XKR6: variants seen among roughly 807,000 people sequenced by gnomAD.
XKR6 encodes the protein XK-related protein 6.
XKR6 carries 22 observed loss-of-function variants against 56.7 expected under a neutral mutation model. The ratio of observed to expected loss-of-function variants is 0.39; its 90% CI spans 0.28 to 0.55. The LOEUF is 0.55. Ranked by LOEUF, XKR6 falls within the 20% of genes least tolerant of loss-of-function variation. The pLI is 0.66. For synonymous variants in XKR6, 524 were observed against 387.8 expected (o/e 1.35, Z -4.13); for missense variants, 852 against 889.0 (o/e 0.96, Z 0.53).
intron 1 of XKR6, chr8:11,035,323 G>C (rs1193004033): frequency 5.6e-6 from 3 of 534,682 alleles, no homozygotes; most frequent in East Asian, 5.4e-5. Context: ...CGTTGTGGCA[G>C]CTTGGGCCCC....
chr8:10,958,607 A>G (rs11783935), intron 1 of XKR6, among the ~76,000 whole-genome samples: 27,797 of 152,176 alleles, frequency 0.18, 3,392 homozygotes, highest in African/African-American at 0.35. Flanking sequence ...GGGTGTGATC[A>G]CCATGGGAGC....
At chr8:10,906,981 G>A (rs922920552) in intron 2 of XKR6, among the ~76,000 whole-genome samples, 1 of 152,126 alleles carries the variant, frequency 6.6e-6, no homozygotes, top group African/African-American at 2.4e-5. Flanking sequence ...CTGGGAGGTG[G>A]AGGTTGCAGT....
intron 1 of XKR6, among the ~76,000 whole-genome samples, chr8:10,936,254 T>C (rs1378944915): frequency 2.0e-5 from 3 of 150,918 alleles, no homozygotes; most frequent in East Asian, 3.9e-4. Flanking sequence ...ATTTGCTTGG[T>C]AGATCTTTCT....
intron 1 of XKR6, among the ~76,000 whole-genome samples, chr8:10,974,365 C>A (rs1251202724): frequency 1.3e-5 from 2 of 152,178 alleles, no homozygotes; most frequent in Non-Finnish European, 2.9e-5. Context: ...CCATTGCCAG[C>A]TAATTCTCTC....
At chr8:11,068,259 T>C (rs1389173311) in intron 1 of XKR6, among the ~76,000 whole-genome samples, 1 of 152,010 alleles carries the variant, frequency 6.6e-6, no homozygotes, top group African/African-American at 2.4e-5. Context: ...GGTGACCACC[T>C]CCTCTAGAGG....
intron 1 of XKR6, among the ~76,000 whole-genome samples, chr8:11,103,585 G>T (rs560346244): frequency 2.0e-5 from 3 of 152,092 alleles, no homozygotes; most frequent in Non-Finnish European, 2.9e-5. Flanking sequence ...GGTCAAAATG[G>T]GGCTGTAAAG....
intron 1 of XKR6, among the ~76,000 whole-genome samples, chr8:11,063,880 G>A (rs948594230): frequency 6.6e-6 from 1 of 152,182 alleles, no homozygotes; most frequent in Non-Finnish European, 1.5e-5. Flanking sequence ...TTTAACTGAT[G>A]GCCCCAGAAT....
intron 1 of XKR6, among the ~76,000 whole-genome samples, chr8:10,984,720 C>CTA (rs1212342415): frequency 5.2e-4 from 43 of 83,226 alleles, no homozygotes; most frequent in African/African-American, 2.3e-3. Context: ...CTCTCTCTCT[C>CTA]TCTCTCTCTC....
At chr8:11,178,586 G>GTATATA (rs1802797847) in intron 1 of XKR6, among the ~76,000 whole-genome samples, 1 of 114,454 alleles carries the variant, frequency 8.7e-6, no homozygotes, top group Non-Finnish European at 1.9e-5. Context: ...ATATATATAT[G>GTATATA]TACTACACAC....
intron 1 of XKR6, among the ~76,000 whole-genome samples, chr8:11,127,382 C>A (rs1799862719): frequency 6.6e-6 from 1 of 152,196 alleles, no homozygotes; most frequent in African/African-American, 2.4e-5. Flanking sequence ...GTATTAGTTT[C>A]ACTATAGCAG....
In XKR6 at chr8:11,160,345, T is replaced by C. The variant is rs537459468; in HGVS notation, c.764+40231A>G. The stretch of plus-strand genomic sequence containing the variant: ...AATAAGATGCAGCATATACAGATGA[T>C]GGACAGGAATAATGGTGAGTCTGAA... On this transcript the variant is annotated intron_variant, in intron 1 of 2. Transcript: ENST00000416569. Among the ~76,000 whole-genome samples, 5 of 151,830 alleles carry C rather than the reference T, an allele frequency of 3.3e-5. No individual in the cohort carries two copies. The South Asian group carries it at 8.3e-4, about 25-fold the overall frequency.
At chr8:11,060,675 G>A (rs1799811182) in intron 1 of XKR6, among the ~76,000 whole-genome samples, 2 of 152,244 alleles carry the variant, frequency 1.3e-5, no homozygotes, top group Admixed American at 1.3e-4. Flanking sequence ...GGAAGACAAA[G>A]TGGACAGGAA....
intron 1 of XKR6, among the ~76,000 whole-genome samples, chr8:11,029,119 C>A (rs1425054998): frequency 6.6e-6 from 1 of 152,170 alleles, no homozygotes; most frequent in East Asian, 1.9e-4. Flanking sequence ...AGGCTCTGCT[C>A]TTTCATGTGA....
intron 1 of XKR6, among the ~76,000 whole-genome samples, chr8:11,157,248 C>T (rs938268333): frequency 2.0e-5 from 3 of 152,074 alleles, no homozygotes; most frequent in African/African-American, 4.8e-5. Flanking sequence ...GCAAGATGGT[C>T]CACTAGGCTG....
At chr8:11,051,636 C>T (rs1799550796) in intron 1 of XKR6, among the ~76,000 whole-genome samples, 1 of 152,202 alleles carries the variant, frequency 6.6e-6, no homozygotes, top group Non-Finnish European at 1.5e-5. Context: ...ATGTCTGCAT[C>T]TGCCGGCTTC....
intron 2 of XKR6, among the ~76,000 whole-genome samples, chr8:10,911,658 T>A (rs941433382): frequency 1.4e-5 from 2 of 147,192 alleles, no homozygotes; most frequent in African/African-American, 5.0e-5. Context: ...AGAATATATA[T>A]ATATCTATAA....
intron 1 of XKR6, among the ~76,000 whole-genome samples, chr8:10,937,393 T>G (rs978864884): frequency 6.6e-6 from 1 of 151,508 alleles, no homozygotes; most frequent in Non-Finnish European, 1.5e-5. Flanking sequence ...AGCCTTCTTC[T>G]CTCAGCTTGT....
At chr8:10,899,127 T>C (rs1222740605) in intron 2 of XKR6, among the ~76,000 whole-genome samples, 5 of 152,186 alleles carry the variant, frequency 3.3e-5, no homozygotes, top group Admixed American at 1.3e-4. Context: ...CAACCCCATT[T>C]GCCATTTTGG....
At chr8:10,937,713 GGGGGTCA>G (rs1207325683) in intron 1 of XKR6, among the ~76,000 whole-genome samples, 7 of 147,858 alleles carry the variant, frequency 4.7e-5, no homozygotes, top group South Asian at 4.4e-4. Context: ...TAGGCTGCTC[GGGGGTCA>G]GGGGTCAGGG....
Sources: allele counts gnomAD v4.1 joint callset (sites outside exome capture counted in the v4.1 genomes callset), GRCh38; gene constraint gnomAD v4.1.1; transcripts MANE v1.5; gene names NCBI Gene and HGNC (gene_info 2026-07-23, HGNC 2026-07-21).